The following PTPRT variants were observed in gnomAD, a reference collection of about 807,000 sequenced individuals.
The protein encoded by PTPRT is receptor-type tyrosine-protein phosphatase T.
PTPRT carries 56 observed loss-of-function variants against 176.8 expected under a neutral mutation model. The observed-to-expected ratio is 0.32, with a 90% CI of 0.26 to 0.40. The LOEUF (loss-of-function observed/expected upper bound fraction) is 0.40. Among genes scored for constraint, PTPRT ranks in the 10% least tolerant of loss-of-function variants. The pLI, the probability that PTPRT is intolerant of heterozygous loss-of-function variation, is 1.00. For missense variants in PTPRT, 1,540 were observed against 1,908.2 expected, an observed-to-expected ratio of 0.81 and a Z score of 3.60; for synonymous variants, 783 against 739.0, an observed-to-expected ratio of 1.06 and a Z score of -0.96.
In PTPRT at chr20:42,771,366, C is replaced by T. The variant is rs548907458; in HGVS notation, c.684+69G>A. 1.2e-4 allele frequency: 167 copies of T among 1,379,726 alleles called. 1 individual carries two copies. The highest frequency in any genetic ancestry group is 2.0e-4 in the Admixed American group (12 of 58,574). 85.5% of individuals were successfully genotyped at this position (1,379,726 alleles called of 1,614,324 possible). A position where few individuals can be genotyped will look rare whatever the true frequency, so the allele number is the denominator to read the frequency against. The stretch of plus-strand genomic sequence containing the variant: ...ATACACTTGTGTTGCCATAGAGCTG[C>T]TTCCTTCCAGTCCTTCTTTTCCCTT... On this transcript the variant is annotated intron_variant, in intron 5 of 30. Transcript: ENST00000373187.
At chr20:42,862,900 C>A (rs981541663) in intron 2 of PTPRT, among the ~76,000 whole-genome samples, 1 of 152,030 alleles carries the variant, frequency 6.6e-6, no homozygotes, top group Non-Finnish European at 1.5e-5. Flanking sequence ...GAAGCTTGGG[C>A]CCAGCTGTTC....
chr20:42,251,717 T>A (rs1477205687), intron 13 of PTPRT, among the ~76,000 whole-genome samples: 10 of 143,572 alleles, frequency 7.0e-5, no homozygotes, highest in Admixed American at 4.1e-4. Flanking sequence ...CTGTTGTACT[T>A]AAAAAACAAA....
intron 7 of PTPRT, among the ~76,000 whole-genome samples, chr20:42,525,349 ATGATTTCAAGTACATAAGCTT>A (rs1219115948): frequency 1.3e-5 from 2 of 152,202 alleles, no homozygotes; most frequent in Non-Finnish European, 2.9e-5. Flanking sequence ...CTGAGGGTAT[ATGATTTCAAGTACATAAGCTT>A]TATTCAGGGT....
chr20:42,041,880 G>A, the PTPRT span, among the ~76,000 whole-genome samples: 1 of 152,020 alleles, frequency 6.6e-6, no homozygotes, highest in Non-Finnish European at 1.5e-5. Context: ...TGGCATAATC[G>A]AAATTACCTT....
At position 43,090,306 on chromosome 20, in the gene PTPRT, C is replaced by T. The variant is rs546361202; in HGVS notation, c.88+99340G>A. The stretch of plus-strand genomic sequence containing the variant: ...TTTTTGAGATGGAGTCTTGTTCTGT[C>T]GCCCAGGCTGGAGTGCAGTGGCGCC... On this transcript the variant is annotated intron_variant, in intron 1 of 30. Transcript: ENST00000373187. Among the ~76,000 whole-genome samples the T allele has an allele frequency of 1.6e-4, 23 of 147,820 alleles. 1 individual carries two copies. The highest frequency in any genetic ancestry group is 6.4e-4 in the South Asian group (3 of 4,672).
intron 15 of PTPRT, among the ~76,000 whole-genome samples, chr20:42,200,947 C>A (rs1257969523): frequency 6.6e-6 from 1 of 152,170 alleles, no homozygotes; most frequent in Non-Finnish European, 1.5e-5. Flanking sequence ...AAGGTTGAGC[C>A]CCACTGATCA....
In PTPRT at chr20:42,475,447, C is replaced by T. The variant is rs142993647; in HGVS notation, c.1154-2885G>A. 2.3e-3 allele frequency among the ~76,000 whole-genome samples: 351 copies of T among 152,198 alleles called. 2 individuals are homozygous for T. Among genetic ancestry groups the T allele is most frequent in the African/African-American group, 7.6e-3 (317 of 41,514 alleles). ...AAGCTCTTTGAGACAAAATAATTGG[C>T]CTAAAGCCACAGAGTGAGAGGCACA... is the stretch of plus-strand genomic sequence containing the variant. On this transcript the variant is annotated intron_variant, in intron 7 of 30. Coordinates refer to ENST00000373187, the MANE Select transcript of PTPRT (RefSeq NM_007050.6).
intron 2 of PTPRT, among the ~76,000 whole-genome samples, chr20:42,843,034 C>T (rs1364233421): frequency 6.6e-6 from 1 of 152,172 alleles, no homozygotes; most frequent in African/African-American, 2.4e-5. Context: ...TCTAGTCAGG[C>T]CTAGTATGAC....
chr20:42,259,444 C>T (rs6016729), intron 13 of PTPRT, among the ~76,000 whole-genome samples: 2,219 of 152,274 alleles, frequency 0.015, 55 homozygotes, highest in African/African-American at 0.051. Flanking sequence ...AAGGTTTCAC[C>T]GTTGGTGAGC....
chr20:42,660,511 A>C (rs75161755), intron 7 of PTPRT, among the ~76,000 whole-genome samples: 1,910 of 152,340 alleles, frequency 0.013, 38 homozygotes, highest in Middle Eastern at 0.051. Flanking sequence ...ATAAGACATG[A>C]AACCATTAAA....
the PTPRT span, among the ~76,000 whole-genome samples, chr20:42,039,074 G>A: frequency 6.6e-6 from 1 of 152,198 alleles, no homozygotes; most frequent in African/African-American, 2.4e-5. Context: ...GATTTGGTTT[G>A]TCTGGGATTG....
At chr20:42,125,915 A>G (rs777894089) in intron 19 of PTPRT, among the ~76,000 whole-genome samples, 2 of 151,592 alleles carry the variant, frequency 1.3e-5, no homozygotes, top group Non-Finnish European at 2.9e-5. Context: ...GGTCATATCC[A>G]TGCAGCCATA....
At chr20:43,080,447 T>C (rs1414386817) in intron 1 of PTPRT, among the ~76,000 whole-genome samples, 1 of 152,230 alleles carries the variant, frequency 6.6e-6, no homozygotes, top group Non-Finnish European at 1.5e-5. Context: ...ATACAACCTA[T>C]TTTTATTTTT....
intron 1 of PTPRT, among the ~76,000 whole-genome samples, chr20:43,057,906 G>A (rs1380197440): frequency 6.6e-6 from 1 of 152,204 alleles, no homozygotes; most frequent in African/African-American, 2.4e-5. Context: ...CAGGAGCCAA[G>A]TCAGTTTTGT....
chr20:43,137,577 A>G (rs2013871900), intron 1 of PTPRT, among the ~76,000 whole-genome samples: 1 of 152,194 alleles, frequency 6.6e-6, no homozygotes. Context: ...AAACCAACTG[A>G]GCCTCTGGCT....
At chr20:43,129,613 C>CTTTTTTTTTTTT (rs869293740) in intron 1 of PTPRT, among the ~76,000 whole-genome samples, 1 of 87,296 alleles carries the variant, frequency 1.1e-5, no homozygotes, top group Non-Finnish European at 2.0e-5. Context: ...CCAAAGAGTT[C>CTTTTTTTTTTTT]TTTTTTTTTT....
chr20:42,659,402 C>A (rs1164995726), intron 7 of PTPRT, among the ~76,000 whole-genome samples: 1 of 152,192 alleles, frequency 6.6e-6, no homozygotes, highest in Non-Finnish European at 1.5e-5. Flanking sequence ...AGTCTGAACC[C>A]TAAACTCCCA....
At chr20:43,092,677 T>C (rs2011931438) in intron 1 of PTPRT, among the ~76,000 whole-genome samples, 1 of 152,194 alleles carries the variant, frequency 6.6e-6, no homozygotes, top group Admixed American at 6.5e-5. Flanking sequence ...ATGTGAATTT[T>C]GACGCAAGAC....
intron 3 of PTPRT, among the ~76,000 whole-genome samples, chr20:42,783,695 T>C (rs553696990): frequency 6.6e-6 from 1 of 152,226 alleles, no homozygotes; most frequent in African/African-American, 2.4e-5. Context: ...TGCCAAGGTG[T>C]TCTGAGGAGA....
Sources: allele counts gnomAD v4.1 joint callset (sites outside exome capture counted in the v4.1 genomes callset), GRCh38; gene constraint gnomAD v4.1.1; transcripts MANE v1.5; gene names NCBI Gene and HGNC (gene_info 2026-07-23, HGNC 2026-07-21).